The following KAZN variants were observed in gnomAD, a reference collection of about 807,000 sequenced individuals.
KAZN encodes the protein kazrin.
In KAZN, 40 loss-of-function variants were observed where a neutral mutation model predicts 87.4. The ratio of observed to expected loss-of-function variants is 0.46; its 90% CI spans 0.36 to 0.60. KAZN has a LOEUF of 0.60. Among genes scored for constraint, KAZN ranks in the 20% least tolerant of loss-of-function variants. The pLI is 0.00. For missense variants in KAZN, 898 were observed against 1,073.9 expected (o/e 0.84, Z 2.29); for synonymous variants, 466 against 458.3 (o/e 1.02, Z -0.22).
chr1:14,414,411 A>G (rs1664575022), intron 2 of KAZN, among the ~76,000 whole-genome samples: 1 of 152,110 alleles, frequency 6.6e-6, no homozygotes, highest in South Asian at 2.1e-4. Context: ...TCCACTAACC[A>G]AAAAATAAAT....
intron 1 of KAZN, chr1:14,692,365 C>A: frequency 2.9e-6 from 1 of 341,498 alleles, no homozygotes; most frequent in Non-Finnish European, 5.4e-6. Context: ...TGTTATTTTG[C>A]TTCTTTTCCA....
At chr1:14,095,324 A>G (rs369068100) in intron 1 of KAZN, among the ~76,000 whole-genome samples, 1 of 152,160 alleles carries the variant, frequency 6.6e-6, no homozygotes, top group Admixed American at 6.5e-5. Context: ...TTTTCTTCTT[A>G]CTTTATTCTT....
intron 1 of KAZN, among the ~76,000 whole-genome samples, chr1:14,730,372 G>A (rs1286532235): frequency 6.6e-6 from 1 of 152,150 alleles, no homozygotes; most frequent in Non-Finnish European, 1.5e-5. Flanking sequence ...GTGAGCCACC[G>A]TGCCCGGCCT....
chr1:14,906,099 G>A (rs941979977), intron 1 of KAZN, among the ~76,000 whole-genome samples: 54 of 151,450 alleles, frequency 3.6e-4, no homozygotes, highest in African/African-American at 1.1e-3. Context: ...CCCGGTAGGC[G>A]GGGCTTGCAG....
intron 1 of KAZN, among the ~76,000 whole-genome samples, chr1:13,939,839 C>G (rs1640865908): frequency 6.6e-6 from 1 of 152,012 alleles, no homozygotes; most frequent in Non-Finnish European, 1.5e-5. Flanking sequence ...AAAGCTGGCA[C>G]AAAACATGAT....
At chr1:14,555,430 T>G (rs1673802328) in intron 2 of KAZN, among the ~76,000 whole-genome samples, 1 of 152,232 alleles carries the variant, frequency 6.6e-6, no homozygotes, top group African/African-American at 2.4e-5. Flanking sequence ...CAATTGTAGT[T>G]TCTCAGCATT....
At chr1:14,542,177 A>G (rs1277010687) in intron 2 of KAZN, among the ~76,000 whole-genome samples, 1 of 151,996 alleles carries the variant, frequency 6.6e-6, no homozygotes, top group Admixed American at 6.6e-5. Flanking sequence ...ACCAAAAAGA[A>G]CTAGGGTATA....
At chr1:14,626,970 C>T (rs572001371) in intron 1 of KAZN, among the ~76,000 whole-genome samples, 31 of 152,178 alleles carry the variant, frequency 2.0e-4, no homozygotes, top group African/African-American at 5.8e-4. Flanking sequence ...ACTCTGAAGT[C>T]GCTTACCAGG....
intron 2 of KAZN, among the ~76,000 whole-genome samples, chr1:14,327,438 C>T (rs1022379545): frequency 3.9e-5 from 6 of 152,222 alleles, no homozygotes; most frequent in African/African-American, 1.2e-4. Context: ...TTTGCTATGG[C>T]GAATTCCCTC....
chr1:14,542,160 G>A (rs1343885223), intron 2 of KAZN, among the ~76,000 whole-genome samples: 6 of 151,822 alleles, frequency 4.0e-5, no homozygotes, highest in Admixed American at 1.3e-4. Context: ...TCACAAATAC[G>A]AAGTCCACCA....
At position 14,907,874 on chromosome 1, in the gene KAZN, C is replaced by T. The variant is rs559038043; in HGVS notation, c.227-52810C>T. On this transcript the variant is annotated intron_variant, in intron 1 of 14. Coordinates refer to ENST00000376030, the MANE Select transcript of KAZN (RefSeq NM_201628.3). ...GCACCCCTCCTCCAACCCTTCTCTCCCCAGAGCCCATGAGCCCACGAGGGA... is the reference window on the plus strand; with the variant it reads ...GCACCCCTCCTCCAACCCTTCTCTCTCCAGAGCCCATGAGCCCACGAGGGA... 2.6e-5 allele frequency among the ~76,000 whole-genome samples: 4 copies of T among 152,244 alleles called. No individual in the cohort carries two copies. The East Asian group carries it at 7.7e-4, about 29-fold the overall frequency.
intron 2 of KAZN, among the ~76,000 whole-genome samples, chr1:14,257,563 G>A (rs1395592982): frequency 1.4e-5 from 2 of 141,482 alleles, no homozygotes; most frequent in African/African-American, 5.4e-5. Context: ...TGTCCTGAAT[G>A]GTAATGCCTA....
At chr1:15,110,348 ATGTT>A (rs970518120) in intron 13 of KAZN, among the ~76,000 whole-genome samples, 41 of 140,178 alleles carry the variant, frequency 2.9e-4, no homozygotes, top group Non-Finnish European at 3.8e-4. Context: ...ATATGTGTGT[ATGTT>A]TGTGTGTATG....
intron 1 of KAZN, among the ~76,000 whole-genome samples, chr1:13,965,701 G>A (rs929647710): frequency 6.6e-6 from 1 of 152,162 alleles, no homozygotes; most frequent in Non-Finnish European, 1.5e-5. Context: ...ACTCCGCAGC[G>A]ACTTCTGCTG....
chr1:14,896,636 G>C (rs1039917009), intron 1 of KAZN, among the ~76,000 whole-genome samples: 2 of 152,074 alleles, frequency 1.3e-5, no homozygotes, highest in Non-Finnish European at 1.5e-5. Flanking sequence ...GCAAATCCAG[G>C]GCAGCCTCAA....
At chr1:14,884,198 C>T (rs1385465526) in intron 1 of KAZN, among the ~76,000 whole-genome samples, 1 of 152,076 alleles carries the variant, frequency 6.6e-6, no homozygotes, top group Non-Finnish European at 1.5e-5. Flanking sequence ...TCGAGACCAT[C>T]CTGGCCAACA....
chr1:14,334,364 CAAAAAAAAAAAA>C (rs34525897), intron 2 of KAZN, among the ~76,000 whole-genome samples: 6 of 61,380 alleles, frequency 9.8e-5, no homozygotes, highest in African/African-American at 1.5e-4. Flanking sequence ...GATTCCATCT[CAAAAAAAAAAAA>C]AAAAAAAAAA....
At chr1:14,754,117 G>A (rs1383972587) in intron 1 of KAZN, among the ~76,000 whole-genome samples, 3 of 152,224 alleles carry the variant, frequency 2.0e-5, no homozygotes, top group African/African-American at 7.2e-5. Context: ...CAGCCACGGG[G>A]AAGAGTTCTT....
intron 1 of KAZN, among the ~76,000 whole-genome samples, chr1:14,755,689 T>A (rs973433260): frequency 6.6e-6 from 1 of 152,168 alleles, no homozygotes; most frequent in Non-Finnish European, 1.5e-5. Flanking sequence ...AGCCCCTTCC[T>A]GGCCTGGACA....
Sources: gnomAD v4.1 joint callset for allele counts (sites outside exome capture counted in the v4.1 genomes callset) on GRCh38, gnomAD v4.1.1 for gene constraint, MANE v1.5 for transcripts, NCBI Gene and HGNC (gene_info 2026-07-23, HGNC 2026-07-21) for gene names.